Variants in DMD observed in about 807,000 individuals in gnomAD.
The protein encoded by DMD is dystrophin, also known as mutant dystrophin.
Under a neutral mutation model 330.1 loss-of-function variants are expected in DMD, and 63 were observed. The ratio of observed to expected loss-of-function variants is 0.19; its 90% CI spans 0.16 to 0.24. The LOEUF (loss-of-function observed/expected upper bound fraction) is 0.24. Ranked by LOEUF, DMD falls within the 10% of genes least tolerant of loss-of-function variation. The pLI is 1.00. For missense variants in DMD, 3,344 were observed against 2,684.1 expected, an observed-to-expected ratio of 1.25 and a Z score of -5.43; for synonymous variants, 1,223 against 959.8, an observed-to-expected ratio of 1.27 and a Z score of -5.07.
At chrX:31,571,418 A>G (rs1246660544) in intron 55 of DMD, among the ~76,000 whole-genome samples, 2 of 110,275 alleles carry the variant, frequency 1.8e-5, no homozygotes, top group East Asian at 5.7e-4. Flanking sequence ...ATCTTCTAAC[A>G]TTACCATGTT....
intron 43 of DMD, among the ~76,000 whole-genome samples, chrX:32,265,384 T>C (rs762925673): frequency 8.9e-6 from 1 of 112,509 alleles, no homozygotes; most frequent in Non-Finnish European, 1.9e-5. Context: ...AGAGGATATA[T>C]GGAAATGTCT....
chrX:32,695,641 A>G (rs1009293540), intron 9 of DMD, among the ~76,000 whole-genome samples: 10 of 111,763 alleles, frequency 8.9e-5, no homozygotes, highest in African/African-American at 3.3e-4. Flanking sequence ...GATACATACA[A>G]AGAGTTGAAA....
At chrX:32,370,899 G>A (rs1188195453) in intron 34 of DMD, among the ~76,000 whole-genome samples, 6 of 111,049 alleles carry the variant, frequency 5.4e-5, no homozygotes, top group Non-Finnish European at 9.5e-5. Flanking sequence ...GCTGAATTTA[G>A]GCTCTCGTCA....
At chrX:33,238,993 A>C (rs1390349448) in intron 1 of DMD, among the ~76,000 whole-genome samples, 1 of 110,534 alleles carries the variant, frequency 9.0e-6, no homozygotes, top group Non-Finnish European at 1.9e-5. Context: ...GTGGTGGCTC[A>C]CACTTGTAAT....
intron 60 of DMD, among the ~76,000 whole-genome samples, chrX:31,443,337 CCA>C (rs1325109937): frequency 9.0e-6 from 1 of 111,101 alleles, no homozygotes; most frequent in Non-Finnish European, 1.9e-5. Context: ...AAATGGACAA[CCA>C]CAGAGATTAA....
intron 19 of DMD, 30 bp from the exon 20 acceptor site, chrX:32,491,548 C>A (rs765176301): frequency 5.9e-6 from 7 of 1,180,986 alleles, no homozygotes; most frequent in African/African-American, 1.8e-5. Context: ...TAAATATATC[C>A]CCTGAACCCA....
intron 74 of DMD, among the ~76,000 whole-genome samples, chrX:31,163,065 G>T (rs898499682): frequency 8.9e-6 from 1 of 111,799 alleles, no homozygotes; most frequent in Admixed American, 9.5e-5. Flanking sequence ...TGATTTCTGT[G>T]ATCAAACTAG....
intron 43 of DMD, among the ~76,000 whole-genome samples, chrX:32,231,785 G>T (rs2097169915): frequency 9.0e-6 from 1 of 111,202 alleles, no homozygotes; most frequent in South Asian, 3.7e-4. Context: ...AACATATCAA[G>T]CTATCATTTT....
At position 31,750,184 on chromosome X, in the gene DMD, C is replaced by A. The variant is rs1168417440; in HGVS notation, c.7543-20436G>T. 1.6e-4 allele frequency among the ~76,000 whole-genome samples: 17 copies of A among 109,498 alleles called. 1 individual carries two copies. The highest frequency in any genetic ancestry group is 7.8e-4 in the Admixed American group (8 of 10,230). Reference sequence around the variant, plus strand: ...TTTGTCAATTTTGGCTTTTGTTGCCCTTGCTTTTGGTGTTTTAGACATGAA... The same window carrying A: ...TTTGTCAATTTTGGCTTTTGTTGCCATTGCTTTTGGTGTTTTAGACATGAA... On this transcript the variant is annotated intron_variant, in intron 51 of 78. Transcript: ENST00000357033.
chrX:32,163,448 A>G (rs752654597), intron 44 of DMD, among the ~76,000 whole-genome samples: 2 of 112,365 alleles, frequency 1.8e-5, no homozygotes, highest in East Asian at 5.6e-4. Context: ...AATCATAGAG[A>G]TGGAGAACAG....
At chrX:32,321,841 C>T (rs1343383519) in intron 41 of DMD, among the ~76,000 whole-genome samples, 1 of 111,193 alleles carries the variant, frequency 9.0e-6, no homozygotes, top group Non-Finnish European at 1.9e-5. Context: ...GAGAGAAAGA[C>T]AAAGCTGAGA....
At chrX:33,120,928 TA>T (rs2095420626) in intron 1 of DMD, among the ~76,000 whole-genome samples, 1 of 106,898 alleles carries the variant, frequency 9.4e-6, no homozygotes, top group Non-Finnish European at 1.9e-5. Context: ...GGGTTATTAT[TA>T]GGGGCTATAT....
At chrX:33,125,494 G>A (rs963865929) in intron 1 of DMD, among the ~76,000 whole-genome samples, 13 of 111,563 alleles carry the variant, frequency 1.2e-4, no homozygotes, top group African/African-American at 3.6e-4. Context: ...TTCATTAAAA[G>A]TCAATTATCC....
intron 50 of DMD, among the ~76,000 whole-genome samples, chrX:31,798,270 G>T (rs1013667568): frequency 7.2e-5 from 8 of 110,816 alleles, no homozygotes; most frequent in African/African-American, 2.0e-4. Context: ...TCAGGAAGAA[G>T]ATGAGTATTT....
At chrX:32,609,454 G>C (rs1569301200) in intron 12 of DMD, among the ~76,000 whole-genome samples, 1 of 110,736 alleles carries the variant, frequency 9.0e-6, no homozygotes, top group Non-Finnish European at 1.9e-5. Context: ...CCAGCATTCA[G>C]TATAGTACAA....
chrX:33,128,034 A>G (rs2095475910), intron 1 of DMD: 7 of 1,159,620 alleles, frequency 6.0e-6, no homozygotes, highest in Non-Finnish European at 8.0e-6. Flanking sequence ...AATATATCCC[A>G]GGGGTTGCAA....
At chrX:31,391,559 T>C (rs1312508989) in intron 60 of DMD, among the ~76,000 whole-genome samples, 1 of 111,373 alleles carries the variant, frequency 9.0e-6, no homozygotes, top group Non-Finnish European at 1.9e-5. Context: ...AGATTTATAA[T>C]GAAAGGTCCT....
chrX:32,354,508 A>G (rs1168292427), intron 37 of DMD, among the ~76,000 whole-genome samples: 1 of 111,717 alleles, frequency 9.0e-6, no homozygotes, highest in Non-Finnish European at 1.9e-5. Context: ...GTGTATTGGA[A>G]AGATACTACA....
chrX:31,160,170 C>T (rs1441400102), intron 74 of DMD, among the ~76,000 whole-genome samples: 1 of 110,657 alleles, frequency 9.0e-6, no homozygotes, highest in East Asian at 2.8e-4. Flanking sequence ...AAGTTAATTG[C>T]ATCAAGTCAC....
Sources: allele counts gnomAD v4.1 joint callset (sites outside exome capture counted in the v4.1 genomes callset), GRCh38; gene constraint gnomAD v4.1.1; transcripts MANE v1.5; gene names NCBI Gene and HGNC (gene_info 2026-07-23, HGNC 2026-07-21).